Variants in ASCC1 observed in about 807,000 individuals in gnomAD.
The protein encoded by ASCC1 is ASC-1 complex subunit P50.
A neutral mutation model predicts 46.6 loss-of-function variants in ASCC1; 35 were observed. The ratio of observed to expected loss-of-function variants is 0.75; its 90% confidence interval spans 0.57 to 0.99. The LOEUF is 0.99. ASCC1 is among the 50% of genes least tolerant of loss of function. The pLI, the probability that ASCC1 is intolerant of heterozygous loss-of-function variation, is 0.00. For missense variants in ASCC1, 376 were observed against 428.7 expected (o/e 0.88, Z 1.09); for synonymous variants, 143 against 146.6 (o/e 0.98, Z 0.18).
Position 72,097,291 on chromosome 10 carries a change from C to G in ASCC1, c.*43G>C. 15 of 1,322,498 alleles carry G rather than the reference C, an allele frequency of 1.1e-5. No individual in the cohort carries two copies. Among genetic ancestry groups the G allele is most frequent in the Non-Finnish European group, 1.6e-5 (15 of 915,800 alleles). The allele number at this position is 1,322,498 out of a possible 1,614,324, so 81.9% of individuals were successfully genotyped here. ...AAAACGAAGACACTTTTCTTCAGCA[C>G]CTGGTGAAGATGTTTAGTTTCTAGT... On this transcript the variant is annotated 3_prime_UTR_variant, in exon 10 of 10. Coordinates refer to ENST00000672957, the MANE Select transcript of ASCC1 (RefSeq NM_001198800.3).
intron 5 of ASCC1, among the ~76,000 whole-genome samples, chr10:72,175,042 T>C (rs1564698892): frequency 6.6e-6 from 1 of 152,230 alleles, no homozygotes; most frequent in Non-Finnish European, 1.5e-5. Context: ...GGCCAAATCT[T>C]GTAGAACTGT....
chr10:72,189,934 A>T (rs1455879417), intron 5 of ASCC1: 1 of 721,618 alleles, frequency 1.4e-6, no homozygotes, highest in Non-Finnish European at 2.5e-6. Context: ...CCATCAGGTA[A>T]GCCAAGACAA....
rs141390739 is a variant in ASCC1, at chr10:72,112,068, C to T, written c.958-14618G>A. On this transcript the variant is annotated intron_variant, in intron 9 of 9. Coordinates refer to ENST00000672957, the MANE Select transcript of ASCC1 (RefSeq NM_001198800.3). ...ACACTTAGCCATTGTTGATACAAAG[C>T]CCCCGAAACTAAAACGGTTTTATTT... 2.7e-3 allele frequency among the ~76,000 whole-genome samples: 405 copies of T among 152,304 alleles called. 1 individual carries two copies. The highest frequency in any genetic ancestry group is 0.017 in the South Asian group (81 of 4,828).
chr10:72,137,496 C>G lies in ASCC1; in HGVS notation c.747-4315G>C, dbSNP rs551698498. Among the ~76,000 whole-genome samples, 119 of 143,640 alleles carry G rather than the reference C, an allele frequency of 8.3e-4. 1 individual carries two copies. The Middle Eastern group carries it at 0.011, about 13-fold the overall frequency. The allele number at this position is 143,640 out of a possible 152,430, so 94.2% of individuals were successfully genotyped here. On this transcript the variant is annotated intron_variant, in intron 7 of 9. Coordinates refer to ENST00000672957, the MANE Select transcript of ASCC1 (RefSeq NM_001198800.3). ...TGAGCCAAGATTGCGCCATTGCACT[C>G]CAGCCTGGGTGACAGGGCAAGACTC...
intron 7 of ASCC1, among the ~76,000 whole-genome samples, chr10:72,142,365 C>CTTT (rs71018255): frequency 5.8e-5 from 8 of 137,130 alleles, no homozygotes; most frequent in East Asian, 2.1e-4. Flanking sequence ...GCAGATTTCA[C>CTTT]TTTTTTTTTT....
At chr10:72,166,968 C>A (rs1434995912) in intron 5 of ASCC1, among the ~76,000 whole-genome samples, 7 of 151,112 alleles carry the variant, frequency 4.6e-5, no homozygotes, top group Admixed American at 4.6e-4. Context: ...AAAAACCGAG[C>A]AGCCACTTTG....
In ASCC1 at chr10:72,213,189, T is replaced by A. The variant is rs1336334365; in HGVS notation, c.110A>T (p.Gln37Leu). ...QHEEDEEDFY[Q>L]GSMECADEPC... ...GACCAAAGAGCAACTAGGATTACCT[T>A]GATAGAAGTCCTCTTCATCTTCTTC... The change falls in exon 2 of 10, where the codon CAA becomes CTA. Residue 37 changes from glutamine to leucine, a missense_variant and splice_region_variant. Physicochemically the swap from Gln to Leu is moderately radical, Grantham distance 113 (BLOSUM62 -2). Coordinates refer to ENST00000672957, the MANE Select transcript of ASCC1 (RefSeq NM_001198800.3). 1 of 1,602,896 alleles carries A rather than the reference T, an allele frequency of 6.2e-7. No homozygotes were observed. The highest frequency in any genetic ancestry group is 1.3e-5 in the African/African-American group (1 of 74,600).
chr10:72,168,298 T>A (rs1850628519), intron 5 of ASCC1, among the ~76,000 whole-genome samples: 1 of 152,168 alleles, frequency 6.6e-6, no homozygotes, highest in Non-Finnish European at 1.5e-5. Context: ...TGAATAAAGA[T>A]ATAAAAATGA....
At chr10:72,146,038 C>T (rs115852699) in intron 7 of ASCC1, among the ~76,000 whole-genome samples, 306 of 152,292 alleles carry the variant, frequency 2.0e-3, no homozygotes, top group African/African-American at 7.1e-3. Context: ...TTTGCATTTG[C>T]TATTTATTCC....
chr10:72,128,161 C>T lies in ASCC1; in HGVS notation c.878G>A (p.Gly293Asp), dbSNP rs1363995355. 2 of 1,612,386 alleles carry T rather than the reference C, an allele frequency of 1.2e-6. No individual in the cohort carries two copies. Among genetic ancestry groups the T allele is most frequent in the African/African-American group, 2.7e-5 (2 of 74,860 alleles). ...TTCCGCTGTGTAGAGATTGTACCTG[C>T]CTTCAGCTGTAAATATTCCAAAGAT... ...TLFRKDPNAE[G>D]RYNLYTAEGK... is the part of the protein sequence containing the mutation. The change falls in exon 9 of 10, where the codon GGC becomes GAC. Residue 293 changes from glycine to aspartate, a missense_variant. Physicochemically the swap from Gly to Asp is moderately conservative, Grantham distance 94. Coordinates refer to ENST00000672957, the MANE Select transcript of ASCC1 (RefSeq NM_001198800.3).
intron 5 of ASCC1, among the ~76,000 whole-genome samples, chr10:72,176,645 T>A (rs978025800): frequency 6.6e-6 from 1 of 152,084 alleles, no homozygotes; most frequent in African/African-American, 2.4e-5. Context: ...ATGCCCAGCC[T>A]TAACTATTTT....
At chr10:72,142,343 T>C (rs1208818221) in intron 7 of ASCC1, among the ~76,000 whole-genome samples, 3 of 151,872 alleles carry the variant, frequency 2.0e-5, no homozygotes, top group African/African-American at 4.8e-5. Flanking sequence ...TTTCAGAAAA[T>C]TGCCAAATCC....
intron 5 of ASCC1, chr10:72,190,490 G>A: frequency 1.3e-6 from 2 of 1,597,684 alleles, no homozygotes; most frequent in East Asian, 2.2e-5. Context: ...CCTTGGAAAG[G>A]GCCATAAGTT....
chr10:72,181,885 C>T (rs558412805), intron 5 of ASCC1, among the ~76,000 whole-genome samples: 262 of 152,112 alleles, frequency 1.7e-3, no homozygotes, highest in African/African-American at 6.1e-3. Flanking sequence ...GGGGTTTCAC[C>T]ATGTTGGCCA....
At chr10:72,109,072 G>C (rs1216061763) in intron 9 of ASCC1, among the ~76,000 whole-genome samples, 1 of 152,218 alleles carries the variant, frequency 6.6e-6, no homozygotes, top group African/African-American at 2.4e-5. Flanking sequence ...AGACTGCAGT[G>C]ATCAGTGGTG....
intron 7 of ASCC1, among the ~76,000 whole-genome samples, chr10:72,138,306 T>C (rs1022770963): frequency 9.2e-5 from 14 of 152,186 alleles, no homozygotes; most frequent in African/African-American, 2.4e-4. Context: ...GGAGTTCAGC[T>C]ATATAAAACT....
chr10:72,130,613 T>C (rs1305766532), intron 8 of ASCC1, among the ~76,000 whole-genome samples: 1 of 152,170 alleles, frequency 6.6e-6, no homozygotes, highest in Non-Finnish European at 1.5e-5. Context: ...TGAACAAATA[T>C]TTAAGGACTA....
Position 72,211,606 on chromosome 10 carries a change from C to CTG in ASCC1, c.113-776_113-775insCA, listed in dbSNP as rs1245794624. Among the ~76,000 whole-genome samples the CTG allele has an allele frequency of 3.3e-5, 5 of 151,774 alleles. No individual in the cohort carries two copies. The East Asian group carries it at 9.7e-4, about 29-fold the overall frequency. On this transcript the variant is annotated intron_variant, in intron 2 of 9. Transcript: ENST00000672957. ...AAAAAATTACGGCTGGGCACGGTGACTCATGCCTGTAATCCCAGCATCCTG... is the reference window on the plus strand; with the variant it reads ...AAAAAATTACGGCTGGGCACGGTGACTGTCATGCCTGTAATCCCAGCATCCTG...
intron 5 of ASCC1, among the ~76,000 whole-genome samples, chr10:72,193,406 T>C (rs913114420): frequency 1.3e-5 from 2 of 151,914 alleles, no homozygotes; most frequent in South Asian, 4.2e-4. Context: ...TCCATCTATA[T>C]GACATTCTCA....
Sources: allele counts gnomAD v4.1 joint callset (sites outside exome capture counted in the v4.1 genomes callset), GRCh38; gene constraint gnomAD v4.1.1; transcripts MANE v1.5; gene names NCBI Gene and HGNC (gene_info 2026-07-23, HGNC 2026-07-21).